ECSCR: variants seen among roughly 807,000 people sequenced by gnomAD.
The protein encoded by ECSCR is endothelial cell-specific chemotaxis regulator.
Under a neutral mutation model 16.7 loss-of-function variants are expected in ECSCR, and 12 were observed. That is an observed-to-expected ratio of 0.72 (90% CI 0.46 to 1.17). The LOEUF (loss-of-function observed/expected upper bound fraction) is 1.17, where lower values mean the gene tolerates loss of function less well. Ranked by LOEUF, ECSCR falls within the 50% of genes most tolerant of loss-of-function variation. The pLI is 0.00. For missense variants in ECSCR, 122 were observed against 116.1 expected (o/e 1.05, Z -0.23); for synonymous variants, 44 against 42.2 (o/e 1.04, Z -0.17).
chr5:139,462,715 C>G lies in ECSCR; in HGVS notation c.-45G>C. On this transcript the variant is annotated 5_prime_UTR_variant, in exon 1 of 10. Transcript: ENST00000618155. Reference sequence around the variant, plus strand: ...GGCAGGCAGCAGCTCAGTGGAGGCTCTGTCCATAGTGGAGAAGAGAGAGGG... The same window carrying G: ...GGCAGGCAGCAGCTCAGTGGAGGCTGTGTCCATAGTGGAGAAGAGAGAGGG... The G allele has an allele frequency of 8.2e-7, 1 of 1,220,846 alleles. No homozygotes were observed. The highest frequency in any genetic ancestry group is 1.1e-6 in the Non-Finnish European group (1 of 909,882). The allele number at this position is 1,220,846 out of a possible 1,614,324, so 75.6% of individuals were successfully genotyped here.
At chr5:139,449,824 C>T (rs1456637821) in intron 8 of ECSCR, among the ~76,000 whole-genome samples, 2 of 151,792 alleles carry the variant, frequency 1.3e-5, no homozygotes, top group Non-Finnish European at 2.9e-5. Context: ...TGAGCTCACA[C>T]AATCTACCTG....
At chr5:139,450,227 A>G in intron 8 of ECSCR, among the ~76,000 whole-genome samples, 1 of 152,074 alleles carries the variant, frequency 6.6e-6, no homozygotes, top group East Asian at 1.9e-4. Context: ...TAATGGAGTA[A>G]TGTCTCGGCT....
chr5:139,458,314 T>G, intron 1 of ECSCR, 131 bp from the exon 2 acceptor site: 2 of 797,284 alleles, frequency 2.5e-6, no homozygotes, highest in Non-Finnish European at 4.0e-6. Context: ...AAAAAAATTT[T>G]GTTTTGTTTT....
At chr5:139,449,669 C>G (rs1364647584) in intron 8 of ECSCR, among the ~76,000 whole-genome samples, 2 of 151,960 alleles carry the variant, frequency 1.3e-5, no homozygotes, top group Admixed American at 6.6e-5. Flanking sequence ...GGTTTTACTA[C>G]CTACTACTTG....
intron 1 of ECSCR, among the ~76,000 whole-genome samples, chr5:139,458,989 A>C (rs1751230887): frequency 6.6e-6 from 1 of 152,204 alleles, no homozygotes; most frequent in Non-Finnish European, 1.5e-5. Context: ...ACTGTGACTC[A>C]ATAGCAACAT....
chr5:139,449,207 G>A, intron 8 of ECSCR, 33 bp from the exon 9 acceptor site: 1 of 1,494,256 alleles, frequency 6.7e-7, no homozygotes, highest in African/African-American at 1.4e-5. Flanking sequence ...GTTAAAGAGA[G>A]GAGGAGGGCA....
chr5:139,454,307 C>T (rs916599731), intron 8 of ECSCR, among the ~76,000 whole-genome samples: 22 of 122,702 alleles, frequency 1.8e-4, no homozygotes, highest in Non-Finnish European at 3.3e-5. Flanking sequence ...GTGTGGGAGG[C>T]GTGTATAATA....
At chr5:139,454,569 G>T in intron 8 of ECSCR, 33 bp downstream of exon 8, 1 of 398,116 alleles carries the variant, frequency 2.5e-6, no homozygotes, top group Middle Eastern at 6.3e-4. Flanking sequence ...TGGGGTCTGG[G>T]TGTCAGATAG....
chr5:139,457,639 G>A (rs1561476216), intron 3 of ECSCR, 35 bp from the exon 4 acceptor site: 2 of 1,102,054 alleles, frequency 1.8e-6, no homozygotes, highest in Non-Finnish European at 2.8e-6. Flanking sequence ...AGTGGGAGGT[G>A]GGGTAGGTTT....
intron 2 of ECSCR, 39 bp downstream of exon 2, chr5:139,458,100 G>C: frequency 2.6e-6 from 4 of 1,540,270 alleles, no homozygotes; most frequent in Non-Finnish European, 3.5e-6. Context: ...TAAGCTCCTA[G>C]GCCTACACGC....
At chr5:139,459,726 C>A (rs1011872354) in intron 1 of ECSCR, among the ~76,000 whole-genome samples, 1 of 152,214 alleles carries the variant, frequency 6.6e-6, no homozygotes, top group African/African-American at 2.4e-5. Context: ...CTCTGCTGCT[C>A]CCTTGGTCTC....
At chr5:139,460,875 A>G (rs1336608103) in intron 1 of ECSCR, among the ~76,000 whole-genome samples, 1 of 152,170 alleles carries the variant, frequency 6.6e-6, no homozygotes. Context: ...GTGGATTTTA[A>G]TCGAGCCTGG....
At chr5:139,458,962 T>G (rs1345188384) in intron 1 of ECSCR, among the ~76,000 whole-genome samples, 1 of 151,886 alleles carries the variant, frequency 6.6e-6, no homozygotes, top group East Asian at 1.9e-4. Context: ...TGGCTCACGG[T>G]GCTGGCTTCC....
At chr5:139,458,109 G>T (rs1228022344) in intron 2 of ECSCR, 30 bp downstream of exon 2, 28 of 1,545,988 alleles carry the variant, frequency 1.8e-5, no homozygotes, top group Non-Finnish European at 2.4e-5. Flanking sequence ...AGGCCTACAC[G>T]CTGGAGTAGA....
In ECSCR at chr5:139,462,593, C is replaced by T. The variant is rs77177676; in HGVS notation, c.61+17G>A. ...GCGGAGAGGAATTGCCATGGGAAAG[C>T]GGCAGGCACCTCTTACCTCGGAACA... is the stretch of plus-strand genomic sequence containing the variant. On this transcript the variant is annotated intron_variant, in intron 1 of 9. Transcript: ENST00000618155. The T allele has an allele frequency of 8.7e-4, 1,384 of 1,590,114 alleles. 18 individuals carry two copies. The East Asian group carries it at 0.025, about 28-fold the overall frequency.
intron 8 of ECSCR, among the ~76,000 whole-genome samples, chr5:139,454,393 G>T (rs1161964698): frequency 2.0e-5 from 3 of 148,276 alleles, no homozygotes; most frequent in Non-Finnish European, 4.5e-5. Context: ...TGAAGTGTAG[G>T]GTGTGTGGTG....
chr5:139,462,525 A>ATG, intron 1 of ECSCR, 85 bp downstream of exon 1: 1 of 1,357,434 alleles, frequency 7.4e-7, no homozygotes, highest in Non-Finnish European at 1.0e-6. Flanking sequence ...GATGGAAAGC[A>ATG]TGTGTCTCCT....
chr5:139,451,143 G>T (rs1176318846), intron 8 of ECSCR, among the ~76,000 whole-genome samples: 2 of 150,218 alleles, frequency 1.3e-5, no homozygotes, highest in Admixed American at 1.3e-4. Flanking sequence ...GTGGTGTGAG[G>T]TGTTGTGTGT....
chr5:139,448,981 C>A (rs888776424), intron 9 of ECSCR, 73 bp from the exon 10 acceptor site: 3 of 1,534,908 alleles, frequency 2.0e-6, no homozygotes, highest in Middle Eastern at 1.7e-4. Context: ...GGGAGAAAAG[C>A]CAGAGTCTTT....
Sources: allele counts gnomAD v4.1 joint callset (sites outside exome capture counted in the v4.1 genomes callset), GRCh38; gene constraint gnomAD v4.1.1; transcripts MANE v1.5; gene names NCBI Gene and HGNC (gene_info 2026-07-23, HGNC 2026-07-21).